The following CCDC149 variants were observed in gnomAD, a reference collection of about 807,000 sequenced individuals.
CCDC149 encodes the protein coiled-coil domain containing 149.
A neutral mutation model predicts 59.9 loss-of-function variants in CCDC149; 45 were observed. That is an observed-to-expected ratio of 0.75 (90% confidence interval 0.59 to 0.96). The LOEUF is 0.96. Among genes scored for constraint, CCDC149 ranks in the 40% least tolerant of loss-of-function variants. CCDC149 has a pLI of 0.00. For missense variants in CCDC149, 584 were observed against 664.7 expected (o/e 0.88, Z 1.33); for synonymous variants, 245 against 260.6 (o/e 0.94, Z 0.58).
intron 1 of CCDC149, among the ~76,000 whole-genome samples, chr4:24,921,638 T>C (rs958196762): frequency 6.6e-6 from 1 of 152,192 alleles, no homozygotes; most frequent in Non-Finnish European, 1.5e-5. Context: ...AGAACTAATG[T>C]ACCTGCCATC....
intron 1 of CCDC149, among the ~76,000 whole-genome samples, chr4:24,926,611 T>G (rs1268351420): frequency 1.3e-5 from 2 of 152,252 alleles, no homozygotes; most frequent in African/African-American, 4.8e-5. Context: ...TTTCTATTGC[T>G]GCTGATTCTG....
intron 8 of CCDC149, among the ~76,000 whole-genome samples, chr4:24,833,676 G>A (rs1560207815): frequency 6.6e-6 from 1 of 151,994 alleles, no homozygotes; most frequent in Non-Finnish European, 1.5e-5. Context: ...GTGTTTTCAT[G>A]TAGAATTATT....
chr4:24,861,835 T>C (rs1216357163), intron 3 of CCDC149, among the ~76,000 whole-genome samples: 2 of 152,022 alleles, frequency 1.3e-5, no homozygotes, highest in African/African-American at 2.4e-5. Flanking sequence ...TAATAAGAAA[T>C]GGGAAGATGG....
downstream of CCDC149, among the ~76,000 whole-genome samples, chr4:24,805,623 T>C (rs1015914069): frequency 6.6e-6 from 1 of 152,196 alleles, no homozygotes; most frequent in African/African-American, 2.4e-5. Flanking sequence ...AAACAGATCA[T>C]GGTAATACCA....
chr4:24,813,830 A>T (rs1474066110), intron 12 of CCDC149, among the ~76,000 whole-genome samples: 2 of 152,194 alleles, frequency 1.3e-5, no homozygotes, highest in African/African-American at 4.8e-5. Flanking sequence ...GAGTGAAATC[A>T]GAGGGACTTT....
chr4:24,928,615 A>G (rs1722496030), intron 1 of CCDC149, among the ~76,000 whole-genome samples: 1 of 152,152 alleles, frequency 6.6e-6, no homozygotes, highest in African/African-American at 2.4e-5. Context: ...CTTTGCTCCA[A>G]TCACACTCAC....
rs776951532 is a variant in CCDC149 at position 24,808,778 on chromosome 4, C to T, written c.1234G>A (p.Ala412Thr). The change falls in exon 13 of 13, where the codon GCT becomes ACT. Residue 412 changes from alanine to threonine, a missense_variant. Transcript: ENST00000635206. ...TCCTCAGGCGCTGTCAACGCCTCAG[C>T]AGCGGCACAACTTTCATCTTCTTCT... 9.7e-6 allele frequency: 15 copies of T among 1,551,286 alleles called. No homozygotes were observed. The South Asian group carries it at 1.8e-4, about 18-fold the overall frequency.
At chr4:24,892,430 C>T (rs1383288884) in intron 1 of CCDC149, among the ~76,000 whole-genome samples, 2 of 152,214 alleles carry the variant, frequency 1.3e-5, no homozygotes, top group Non-Finnish European at 2.9e-5. Flanking sequence ...TCATCATCCA[C>T]AATCATCATC....
At chr4:24,905,772 C>G (rs983503431) in intron 1 of CCDC149, among the ~76,000 whole-genome samples, 15 of 152,186 alleles carry the variant, frequency 9.9e-5, no homozygotes. Context: ...CCAAATTAAA[C>G]ATGGGCACAT....
Position 24,808,815 on chromosome 4 carries a change from C to G in CCDC149, c.1197G>C (p.Glu399Asp). Residue 399 changes from glutamate to aspartate, a missense_variant, in exon 13 of 13, where the codon GAG (glutamate) becomes GAC (aspartate). Coordinates refer to ENST00000635206, the MANE Select transcript of CCDC149 (RefSeq NM_001330643.2). Reference sequence around the variant, plus strand: ...TTTCATCTTCTTCTTGCTTCTGAGCCTCCCCTGAAAACAGAACGAGGACAA... The same window carrying G: ...TTTCATCTTCTTCTTGCTTCTGAGCGTCCCCTGAAAACAGAACGAGGACAA... The G allele has an allele frequency of 2.6e-6, 4 of 1,547,004 alleles. No homozygotes were observed. The South Asian group carries it at 4.8e-5, about 19-fold the overall frequency.
intron 1 of CCDC149, among the ~76,000 whole-genome samples, chr4:24,922,465 T>G (rs1722322221): frequency 6.6e-6 from 1 of 152,240 alleles, no homozygotes; most frequent in Non-Finnish European, 1.5e-5. Context: ...CTTTCTATTG[T>G]GCCAGATCAT....
chr4:24,836,404 A>T, intron 7 of CCDC149, 32 bp downstream of exon 7: 1 of 1,400,382 alleles, frequency 7.1e-7, no homozygotes, highest in Non-Finnish European at 1.0e-6. Flanking sequence ...CACAATAGTC[A>T]ATCACCATCA....
At chr4:24,821,672 G>A (rs1030056273) in intron 10 of CCDC149, among the ~76,000 whole-genome samples, 19 of 152,216 alleles carry the variant, frequency 1.2e-4, no homozygotes, top group Admixed American at 1.2e-3. Context: ...AAGGAGACTG[G>A]TTTGTGCAGT....
At position 24,837,371 on chromosome 4, in the gene CCDC149, A is replaced by G. The variant is rs1716610321; in HGVS notation, c.519T>C (p.Ala173=). Residue 173 remains alanine (A), a synonymous_variant, in exon 6 of 13, where the codon GCT becomes GCC. Coordinates refer to ENST00000635206, the MANE Select transcript of CCDC149 (RefSeq NM_001330643.2). The surrounding 1 kb of genome is among the most constrained non-coding windows in gnomAD (Gnocchi z 4.3). ...TAACATCCTGAAGCTCGTCCACAGA[A>G]GCCTGCAGGTCGTGCTCCAGAGACT... The G allele has an allele frequency of 6.2e-7, 1 of 1,614,076 alleles. No individual in the cohort carries two copies. The highest frequency in any genetic ancestry group is 8.5e-7 in the Non-Finnish European group (1 of 1,180,040).
upstream of CCDC149, among the ~76,000 whole-genome samples, chr4:24,917,600 T>C (rs2109334602): frequency 6.6e-6 from 1 of 151,636 alleles, no homozygotes; most frequent in East Asian, 1.9e-4. Flanking sequence ...GGGCCTGGGG[T>C]GCCGGAGGAG....
At position 24,912,889 on chromosome 4, in the gene CCDC149, G is replaced by C. The variant is rs1386771905; in HGVS notation, c.-10C>G. The C allele has an allele frequency of 3.7e-6, 5 of 1,343,872 alleles. No homozygotes were observed. The South Asian group carries it at 6.0e-5, about 16-fold the overall frequency. 83.2% of individuals were successfully genotyped at this position (1,343,872 alleles called of 1,614,324 possible). ...TGGCCTCCTCCTCCATGCGCTGGCC[G>C]GCCTCCTGGACCCCCGCCGCCTCCT... On this transcript the variant is annotated 5_prime_UTR_variant, in exon 1 of 13. Coordinates refer to ENST00000635206, the MANE Select transcript of CCDC149 (RefSeq NM_001330643.2).
intron 1 of CCDC149, among the ~76,000 whole-genome samples, chr4:24,940,664 A>G (rs1722926062): frequency 6.6e-6 from 1 of 152,252 alleles, no homozygotes; most frequent in Non-Finnish European, 1.5e-5. Flanking sequence ...TCACATGCAG[A>G]GACACACATA....
rs140629661 is a variant in CCDC149 at position 24,827,248 on chromosome 4, A to G, written c.965+4258T>C. 50 of 152,394 alleles carry G rather than the reference A, an allele frequency of 3.3e-4. No homozygotes were observed. In the East Asian group the frequency reaches 8.9e-3, roughly 27 times the overall value. 9.4% of individuals were successfully genotyped at this position (152,394 alleles called of 1,614,324 possible). A position where few individuals can be genotyped will look rare whatever the true frequency, so the allele number is the denominator to read the frequency against. On this transcript the variant is annotated intron_variant, in intron 9 of 12. Transcript: ENST00000635206. Reference sequence around the variant, plus strand: ...AGGTCTTTAAGGAAAGCCTGGCTCTAAAGGGGAAGCAGGTAACTGTGTCTC... The same window carrying G: ...AGGTCTTTAAGGAAAGCCTGGCTCTGAAGGGGAAGCAGGTAACTGTGTCTC...
Position 24,807,842 on chromosome 4 carries a change from G to A in CCDC149, c.*547C>T. 1 of 152,416 alleles carries A rather than the reference G, an allele frequency of 6.6e-6. No homozygotes were observed. The highest frequency in any genetic ancestry group is 1.5e-5 in the Non-Finnish European group (1 of 68,106). 9.4% of individuals were successfully genotyped at this position (152,416 alleles called of 1,614,324 possible). A position where few individuals can be genotyped will look rare whatever the true frequency, so the allele number is the denominator to read the frequency against. Reference sequence around the variant, plus strand: ...CAGTCTGTACCACGACAGCAGTGCTGTGGGCACAATGCCAAGCACACCCAT... The same window carrying A: ...CAGTCTGTACCACGACAGCAGTGCTATGGGCACAATGCCAAGCACACCCAT... On this transcript the variant is annotated 3_prime_UTR_variant, in exon 13 of 13. Transcript: ENST00000635206.
Sources: allele counts gnomAD v4.1 joint callset (sites outside exome capture counted in the v4.1 genomes callset), GRCh38; gene constraint gnomAD v4.1.1; non-coding constraint Gnocchi (gnomAD v3.1); transcripts MANE v1.5; gene names NCBI Gene and HGNC (gene_info 2026-07-23, HGNC 2026-07-21).